The following FGF13 variants were observed in gnomAD, a reference collection of about 807,000 sequenced individuals.
FGF13 encodes fibroblast growth factor 13.
Under a neutral mutation model 19.5 loss-of-function variants are expected in FGF13, and 2 were observed. The ratio of observed to expected loss-of-function variants is 0.10; its 90% confidence interval spans 0.04 to 0.32. The LOEUF is 0.32. Ranked by LOEUF, FGF13 falls within the 10% of genes least tolerant of loss-of-function variation. The pLI, the probability that FGF13 is intolerant of heterozygous loss-of-function variation, is 1.00. For synonymous variants in FGF13, 72 were observed against 76.9 expected (o/e 0.94, Z 0.33); for missense variants, 113 against 192.7 (o/e 0.59, Z 2.45).
chrX:138,668,432 T>C (rs979574501), intron 3 of FGF13, among the ~76,000 whole-genome samples: 3 of 110,804 alleles, frequency 2.7e-5, no homozygotes, highest in East Asian at 2.9e-4. Flanking sequence ...AGCAAAAGGT[T>C]GTTGCCACAG....
intron 1 of FGF13, among the ~76,000 whole-genome samples, chrX:139,123,243 A>C (rs2083690927): frequency 9.0e-6 from 1 of 111,425 alleles, no homozygotes; most frequent in Non-Finnish European, 1.9e-5. Context: ...AAGTCAAATC[A>C]TGTCACTTCC....
At chrX:138,836,786 G>C (rs1347455513) in intron 3 of FGF13, among the ~76,000 whole-genome samples, 1 of 111,795 alleles carries the variant, frequency 8.9e-6, no homozygotes, top group East Asian at 2.8e-4. Context: ...CTAGCTTTTT[G>C]AGGTTTCAGG....
At chrX:138,909,788 A>G (rs1403728604) in intron 1 of FGF13, among the ~76,000 whole-genome samples, 2 of 111,985 alleles carry the variant, frequency 1.8e-5, no homozygotes, top group African/African-American at 3.2e-5. Context: ...CAGCATGTTT[A>G]TGAGGATTAA....
intron 1 of FGF13, among the ~76,000 whole-genome samples, chrX:138,992,733 C>A (rs746188534): frequency 9.0e-6 from 1 of 111,596 alleles, no homozygotes; most frequent in Non-Finnish European, 1.9e-5. Context: ...TGGGCAAACA[C>A]CACAAAAGTG....
At chrX:139,137,722 G>A (rs759295666) in intron 1 of FGF13, among the ~76,000 whole-genome samples, 1 of 112,366 alleles carries the variant, frequency 8.9e-6, no homozygotes, top group Non-Finnish European at 1.9e-5. Context: ...ACCCACTGAT[G>A]GAGTTTTGAG....
intron 1 of FGF13, among the ~76,000 whole-genome samples, chrX:138,878,836 T>C (rs1294015358): frequency 9.0e-6 from 1 of 111,714 alleles, no homozygotes; most frequent in African/African-American, 3.3e-5. Context: ...TTTTAATGAT[T>C]GCCATTCTAA....
chrX:138,810,253 CCAATGGAA>C (rs2090911354), intron 3 of FGF13, among the ~76,000 whole-genome samples: 1 of 111,361 alleles, frequency 9.0e-6, no homozygotes, highest in Non-Finnish European at 1.9e-5. Flanking sequence ...GAGATATAGA[CCAATGGAA>C]CAAAACAGAG....
At chrX:138,842,417 A>C (rs1309317356) in intron 3 of FGF13, among the ~76,000 whole-genome samples, 1 of 110,604 alleles carries the variant, frequency 9.0e-6, no homozygotes, top group Non-Finnish European at 1.9e-5. Context: ...TTATATTTGT[A>C]TAAATAGCTG....
chrX:139,078,100 C>G (rs2083344376), intron 1 of FGF13, among the ~76,000 whole-genome samples: 1 of 110,554 alleles, frequency 9.0e-6, no homozygotes, highest in Non-Finnish European at 1.9e-5. Context: ...GATTCATATG[C>G]CTACTTGAGT....
intron 3 of FGF13, among the ~76,000 whole-genome samples, chrX:138,668,370 C>A (rs1569359218): frequency 9.0e-6 from 1 of 110,838 alleles, no homozygotes; most frequent in Middle Eastern, 4.3e-3. Context: ...ATTTTAAAGG[C>A]AGATATTATG....
chrX:138,809,705 G>A (rs922234265), intron 3 of FGF13, among the ~76,000 whole-genome samples: 4 of 111,425 alleles, frequency 3.6e-5, no homozygotes, highest in African/African-American at 9.8e-5. Context: ...CCCCATCTCA[G>A]CCCAAAATCT....
intron 3 of FGF13, among the ~76,000 whole-genome samples, chrX:138,649,565 G>A (rs945343114): frequency 8.9e-6 from 1 of 111,811 alleles, no homozygotes; most frequent in African/African-American, 3.3e-5. Context: ...TTCCCTCCTC[G>A]GCCCTGTCAT....
At chrX:138,984,292 A>C (rs550039015) in intron 1 of FGF13, among the ~76,000 whole-genome samples, 97 of 108,043 alleles carry the variant, frequency 9.0e-4, no homozygotes, top group African/African-American at 1.3e-3. Flanking sequence ...CCTGTAGTAC[A>C]AAGTACTCAG....
intron 1 of FGF13, among the ~76,000 whole-genome samples, chrX:139,187,627 G>A (rs951356393): frequency 8.1e-5 from 9 of 111,467 alleles, no homozygotes; most frequent in African/African-American, 2.9e-4. Flanking sequence ...AAATCTAATG[G>A]GTTTCATTCA....
At position 138,975,176 on chromosome X, in the gene FGF13, A is replaced by G. The variant is rs150244779; in HGVS notation, c.-112-110526T>C. 5.3e-3 allele frequency among the ~76,000 whole-genome samples: 598 copies of G among 113,030 alleles called. 2 individuals carry two copies. Among genetic ancestry groups the G allele is most frequent in the Non-Finnish European group, 9.3e-3 (498 of 53,367 alleles). On this transcript the variant is annotated intron_variant, in intron 1 of 2. Coordinates refer to the FGF13 transcript ENST00000421460. The stretch of plus-strand genomic sequence containing the variant: ...CAATAATACTCCCCATGTGCATGGC[A>G]CTTCACTGTATATAGAAAGCTTTCA...
At chrX:138,717,410 C>G (rs762113586) in intron 1 of FGF13, among the ~76,000 whole-genome samples, 7 of 111,298 alleles carry the variant, frequency 6.3e-5, no homozygotes, top group Non-Finnish European at 1.3e-4. Flanking sequence ...CAACAAAAAC[C>G]TTTTCTATCT....
intron 3 of FGF13, among the ~76,000 whole-genome samples, chrX:138,677,153 C>T (rs1486782748): frequency 9.0e-6 from 1 of 111,554 alleles, no homozygotes; most frequent in Non-Finnish European, 1.9e-5. Context: ...TAAAACAGAC[C>T]ATCAGGAATA....
chrX:138,711,717 C>T lies in FGF13; in HGVS notation c.-714G>A, dbSNP rs183084908. 2 of 749,564 alleles carry T rather than the reference C, an allele frequency of 2.7e-6. No homozygotes were observed. The highest frequency in any genetic ancestry group is 1.6e-4 in the East Asian group (1 of 6,446). 61.8% of individuals were successfully genotyped at this position (749,564 alleles called of 1,213,427 possible). A position where few individuals can be genotyped will look rare whatever the true frequency, so the allele number is the denominator to read the frequency against. On this transcript the variant is annotated 5_prime_UTR_variant, in exon 1 of 5. Coordinates refer to ENST00000315930, the MANE Select transcript of FGF13 (RefSeq NM_004114.5). ...GCAGGCACCCTCCGGAACAGCGCGA[C>T]AGCCTCCTTGCAGCCCCCTCCCGCG...
intron 3 of FGF13, among the ~76,000 whole-genome samples, chrX:138,693,516 T>C (rs746125990): frequency 4.5e-5 from 5 of 111,708 alleles, no homozygotes; most frequent in Non-Finnish European, 7.5e-5. Flanking sequence ...AATATATGTG[T>C]TTGTATAATT....
Sources: allele counts gnomAD v4.1 joint callset (sites outside exome capture counted in the v4.1 genomes callset), GRCh38; gene constraint gnomAD v4.1.1; transcripts MANE v1.5; gene names NCBI Gene and HGNC (gene_info 2026-07-23, HGNC 2026-07-21).